Variants in ADAMTS18 observed in about 807,000 individuals in gnomAD.
The protein encoded by ADAMTS18 is ADAM metallopeptidase with thrombospondin type 1 motif 18.
ADAMTS18 carries 157 observed loss-of-function variants against 165.9 expected under a neutral mutation model. The observed-to-expected ratio is 0.95, with a 90% CI of 0.83 to 1.08. The LOEUF is 1.08. Ranked by LOEUF, ADAMTS18 falls within the 50% of genes least tolerant of loss-of-function variation. ADAMTS18 has a pLI of 0.00. For missense variants in ADAMTS18, 2,040 were observed against 1,534.0 expected, an observed-to-expected ratio of 1.33 and a Z score of -5.51; for synonymous variants, 782 against 578.2, an observed-to-expected ratio of 1.35 and a Z score of -5.06.
chr16:77,388,567 A>G (rs2057141713), intron 3 of ADAMTS18, among the ~76,000 whole-genome samples: 1 of 152,192 alleles, frequency 6.6e-6, no homozygotes, highest in African/African-American at 2.4e-5. Flanking sequence ...TTTGTGCCTC[A>G]GTTTATTGAA....
chr16:77,368,805 C>A (rs9941345), intron 3 of ADAMTS18, among the ~76,000 whole-genome samples: 38,512 of 151,972 alleles, frequency 0.25, 5,539 homozygotes, highest in East Asian at 0.57. Flanking sequence ...AAGTGGGGGT[C>A]TAGAGAATCT....
chr16:77,325,882 G>C lies in ADAMTS18; in HGVS notation c.2016C>G (p.Pro672=), dbSNP rs750366825. Residue 672 remains proline (P), a synonymous_variant, in exon 13 of 23, where the codon CCC becomes CCG. Transcript: ENST00000282849. ...CCAAATTACCTTCCACTTTTGTATAGGGTTTCCACTGGTAGAACCATCCAC... is the reference window on the plus strand; with the variant it reads ...CCAAATTACCTTCCACTTTTGTATACGGTTTCCACTGGTAGAACCATCCAC... ...PFRGWFYQWK[P]YTKVEEEDRC... 4.2e-5 allele frequency: 67 copies of C among 1,613,720 alleles called. No individual in the cohort carries two copies. The highest frequency in any genetic ancestry group is 5.3e-5 in the Non-Finnish European group (63 of 1,179,900).
In ADAMTS18 at chr16:77,283,950, C is replaced by A; in HGVS notation, c.*6G>T. Reference sequence around the variant, plus strand: ...TGGCCCTAAGGTGCTGGGGAGGACACCAAGATCAGATCTTCCTTGTGCATG... The same window carrying A: ...TGGCCCTAAGGTGCTGGGGAGGACAACAAGATCAGATCTTCCTTGTGCATG... On this transcript the variant is annotated 3_prime_UTR_variant, in exon 23 of 23. Coordinates refer to ENST00000282849, the MANE Select transcript of ADAMTS18 (RefSeq NM_199355.4). The A allele has an allele frequency of 1.2e-6, 2 of 1,611,462 alleles. No homozygotes were observed. The highest frequency in any genetic ancestry group is 8.5e-7 in the Non-Finnish European group (1 of 1,177,822).
Position 77,291,277 on chromosome 16 carries a change from G to A in ADAMTS18, c.3391C>T (p.Pro1131Ser), listed in dbSNP as rs765723920. 13 of 1,614,012 alleles carry A rather than the reference G, an allele frequency of 8.1e-6. No homozygotes were observed. Among genetic ancestry groups the A allele is most frequent in the Non-Finnish European group, 1.1e-5 (13 of 1,180,024 alleles). ...CGGCCTGTACCCACCTGCTGCCACG[G>A]CAATGAATACCATCCAGCTACCATG... ...YNMVAGWYSL[P>S]WQQCTVTCGG... Residue 1131 changes from proline (P) to serine (S), a missense_variant, in exon 21 of 23, where the codon CCG becomes TCG. Physicochemically the swap from Pro to Ser is moderately conservative, Grantham distance 74. Transcript: ENST00000282849.
At chr16:77,387,396 A>G (rs1325081051) in intron 3 of ADAMTS18, among the ~76,000 whole-genome samples, 1 of 152,220 alleles carries the variant, frequency 6.6e-6, no homozygotes, top group East Asian at 1.9e-4. Flanking sequence ...ATTATATTTC[A>G]TAAACCAAAT....
chr16:77,405,148 T>C (rs2057377921), intron 3 of ADAMTS18, among the ~76,000 whole-genome samples: 1 of 152,190 alleles, frequency 6.6e-6, no homozygotes, highest in Non-Finnish European at 1.5e-5. Flanking sequence ...ACCCCTGGGC[T>C]GGGACTGGGA....
At chr16:77,328,417 G>C (rs942867180) in intron 12 of ADAMTS18, among the ~76,000 whole-genome samples, 1 of 152,136 alleles carries the variant, frequency 6.6e-6, no homozygotes, top group African/African-American at 2.4e-5. Flanking sequence ...CTCTAAAACA[G>C]CCCTGGAGTT....
chr16:77,291,604 C>T (rs904723766), intron 20 of ADAMTS18, 126 bp from the exon 21 acceptor site: 20 of 956,762 alleles, frequency 2.1e-5, no homozygotes, highest in Admixed American at 3.4e-5. Flanking sequence ...ACAAGGTCAA[C>T]CACACTCACT....
intron 3 of ADAMTS18, 110 bp downstream of exon 3, chr16:77,431,185 G>T: frequency 8.8e-7 from 1 of 1,138,324 alleles, no homozygotes; most frequent in Non-Finnish European, 1.3e-6. Flanking sequence ...AAGGCTGACA[G>T]TGTGAATGTG....
intron 22 of ADAMTS18, 102 bp downstream of exon 22, chr16:77,289,162 C>A (rs748250188): frequency 4.1e-6 from 6 of 1,465,360 alleles, no homozygotes; most frequent in Non-Finnish European, 4.8e-6. Context: ...AATGGCTTAC[C>A]CTAGAGTTGT....
At chr16:77,426,260 A>T (rs2057671389) in intron 3 of ADAMTS18, among the ~76,000 whole-genome samples, 1 of 152,152 alleles carries the variant, frequency 6.6e-6, no homozygotes, top group African/African-American at 2.4e-5. Flanking sequence ...GTTAAAAATT[A>T]ATACATAATA....
At chr16:77,409,568 G>A (rs1472687576) in intron 3 of ADAMTS18, among the ~76,000 whole-genome samples, 1 of 152,142 alleles carries the variant, frequency 6.6e-6, no homozygotes, top group Non-Finnish European at 1.5e-5. Context: ...ACTGAATCCT[G>A]AGATCAAAAA....
intron 3 of ADAMTS18, among the ~76,000 whole-genome samples, chr16:77,398,646 G>A (rs903208990): frequency 8.5e-5 from 13 of 152,090 alleles, no homozygotes; most frequent in African/African-American, 2.9e-4. Context: ...GGGGGTTGGG[G>A]GCTGTCAGTG....
At position 77,307,844 on chromosome 16, in the gene ADAMTS18, G is replaced by C. The variant is rs151130176; in HGVS notation, c.2533-7440C>G. Among the ~76,000 whole-genome samples the C allele has an allele frequency of 4.3e-3, 655 of 152,224 alleles. 7 individuals carry two copies. Among genetic ancestry groups the C allele is most frequent in the African/African-American group, 0.015 (630 of 41,542 alleles). On this transcript the variant is annotated intron_variant, in intron 16 of 22. Transcript: ENST00000282849. Reference sequence around the variant, plus strand: ...CCTTTACCTTGGGGAGAATTCAGCAGGCAGGGTCACAAAGGAGCTGGATGA... The same window carrying C: ...CCTTTACCTTGGGGAGAATTCAGCACGCAGGGTCACAAAGGAGCTGGATGA...
chr16:77,424,998 T>G (rs1408967313), intron 3 of ADAMTS18, among the ~76,000 whole-genome samples: 1 of 152,210 alleles, frequency 6.6e-6, no homozygotes, highest in East Asian at 1.9e-4. Context: ...AAAGACTGTT[T>G]GGCAGGCAGT....
intron 18 of ADAMTS18, among the ~76,000 whole-genome samples, chr16:77,297,028 T>C (rs1486690665): frequency 2.0e-5 from 3 of 152,346 alleles, no homozygotes; most frequent in Non-Finnish European, 2.9e-5. Context: ...CAGGCTAATA[T>C]GTAAGTGGCA....
At chr16:77,404,674 G>A (rs754746039) in intron 3 of ADAMTS18, among the ~76,000 whole-genome samples, 63 of 152,076 alleles carry the variant, frequency 4.1e-4, no homozygotes, top group Non-Finnish European at 6.9e-4. Context: ...CCCAAACCAC[G>A]TCATTCTGTC....
At chr16:77,380,141 C>A (rs1350924603) in intron 3 of ADAMTS18, among the ~76,000 whole-genome samples, 3 of 152,190 alleles carry the variant, frequency 2.0e-5, no homozygotes, top group Non-Finnish European at 2.9e-5. Context: ...AATGAATTAT[C>A]CTTTCACTTT....
At chr16:77,419,118 C>G (rs185988470) in intron 3 of ADAMTS18, among the ~76,000 whole-genome samples, 482 of 152,070 alleles carry the variant, frequency 3.2e-3, no homozygotes, top group African/African-American at 0.011. Context: ...CACTGCACTC[C>G]AGCCTGGATG....
Sources: allele counts gnomAD v4.1 joint callset (sites outside exome capture counted in the v4.1 genomes callset), GRCh38; gene constraint gnomAD v4.1.1; transcripts MANE v1.5; gene names NCBI Gene and HGNC (gene_info 2026-07-23, HGNC 2026-07-21).